Variants in DLGAP1 observed in about 807,000 individuals in gnomAD.
The protein encoded by DLGAP1 is DLG associated protein 1, also known as disks large-associated protein 1.
DLGAP1 carries 11 observed loss-of-function variants against 90.8 expected under a neutral mutation model. That is an observed-to-expected ratio of 0.12 (90% CI 0.08 to 0.20). DLGAP1 has a LOEUF of 0.20. Ranked by LOEUF, DLGAP1 falls within the 10% of genes least tolerant of loss-of-function variation. The probability of loss-of-function intolerance (pLI) is 1.00; values close to 1 mark genes in which losing one functional copy is unlikely to be tolerated. For missense variants in DLGAP1, 1,050 were observed against 1,333.8 expected (o/e 0.79, Z 3.31); for synonymous variants, 558 against 540.7 (o/e 1.03, Z -0.44).
intron 3 of DLGAP1, among the ~76,000 whole-genome samples, chr18:3,939,775 C>T (rs2072730257): frequency 6.6e-6 from 1 of 152,130 alleles, no homozygotes; most frequent in Non-Finnish European, 1.5e-5. Flanking sequence ...TAATGTGCCA[C>T]ATCAAGGAAT....
chr18:3,689,327 C>A (rs1209734528), intron 7 of DLGAP1, among the ~76,000 whole-genome samples: 2 of 152,148 alleles, frequency 1.3e-5, no homozygotes, highest in Non-Finnish European at 2.9e-5. Flanking sequence ...AAAAACCTGG[C>A]TGCCAAATAA....
chr18:3,796,479 A>T (rs1598781797), intron 5 of DLGAP1, among the ~76,000 whole-genome samples: 1 of 152,250 alleles, frequency 6.6e-6, no homozygotes. Flanking sequence ...TTTCATGAGT[A>T]CTGTATATGA....
At chr18:3,657,565 T>C (rs1019994064) in intron 7 of DLGAP1, among the ~76,000 whole-genome samples, 2 of 151,970 alleles carry the variant, frequency 1.3e-5, no homozygotes, top group Non-Finnish European at 1.5e-5. Context: ...GTATTCTTTA[T>C]GGCAAATTCC....
chr18:3,835,345 T>G (rs939031246), intron 4 of DLGAP1, among the ~76,000 whole-genome samples: 3 of 152,184 alleles, frequency 2.0e-5, no homozygotes, highest in Non-Finnish European at 4.4e-5. Context: ...GAATGAGTGC[T>G]TCATAGAAAA....
chr18:3,638,505 C>T (rs2058806974), intron 7 of DLGAP1, among the ~76,000 whole-genome samples: 1 of 152,200 alleles, frequency 6.6e-6, no homozygotes, highest in South Asian at 2.1e-4. Flanking sequence ...CCCACCTCAG[C>T]CTCCCAAACT....
intron 7 of DLGAP1, among the ~76,000 whole-genome samples, chr18:3,635,242 T>G (rs917208665): frequency 2.0e-5 from 3 of 151,922 alleles, no homozygotes; most frequent in Non-Finnish European, 4.4e-5. Flanking sequence ...GCCATTCTCC[T>G]GCCTCAGCCT....
chr18:3,823,704 C>G (rs1472443024), intron 4 of DLGAP1, among the ~76,000 whole-genome samples: 3 of 152,186 alleles, frequency 2.0e-5, no homozygotes, highest in Admixed American at 1.3e-4. Flanking sequence ...TGGCCCAGCA[C>G]TTTGGGAGGC....
chr18:3,498,599 C>T lies in DLGAP1; in HGVS notation c.*586G>A, dbSNP rs2049771943. The T allele has an allele frequency of 6.6e-6, 1 of 152,250 alleles. No individual in the cohort carries two copies. The highest frequency in any genetic ancestry group is 2.4e-5 in the African/African-American group (1 of 41,436). 9.4% of individuals were successfully genotyped at this position (152,250 alleles called of 1,614,324 possible). On this transcript the variant is annotated 3_prime_UTR_variant, in exon 13 of 13. Coordinates refer to ENST00000315677, the MANE Select transcript of DLGAP1 (RefSeq NM_004746.4). ...TTGCTACACATCCAGGTCCCCCACCCCCAGGCCAGGCTTGGTCCCCTCTCT... is the reference window on the plus strand; with the variant it reads ...TTGCTACACATCCAGGTCCCCCACCTCCAGGCCAGGCTTGGTCCCCTCTCT...
At chr18:3,620,331 C>A (rs1251562956) in intron 7 of DLGAP1, among the ~76,000 whole-genome samples, 1 of 151,998 alleles carries the variant, frequency 6.6e-6, no homozygotes, top group Non-Finnish European at 1.5e-5. Flanking sequence ...CACAGGCAGC[C>A]TCTAGAAGCC....
chr18:3,694,223 AT>A (rs766230744), intron 7 of DLGAP1, among the ~76,000 whole-genome samples: 2 of 152,132 alleles, frequency 1.3e-5, no homozygotes, highest in Non-Finnish European at 2.9e-5. Context: ...GAACGCATCC[AT>A]TTTTATGGCT....
At chr18:3,637,341 CTT>C (rs1341283948) in intron 7 of DLGAP1, among the ~76,000 whole-genome samples, 3 of 152,074 alleles carry the variant, frequency 2.0e-5, no homozygotes, top group Admixed American at 6.6e-5. Flanking sequence ...AGGCTCTCCT[CTT>C]GTTTGCCTTC....
At chr18:4,365,145 T>C (rs2081733509) in intron 1 of DLGAP1, among the ~76,000 whole-genome samples, 1 of 152,174 alleles carries the variant, frequency 6.6e-6, no homozygotes, top group African/African-American at 2.4e-5. Context: ...AGCCTTTATT[T>C]CAACCTGAAT....
In DLGAP1 at chr18:3,636,171, G is replaced by C. The variant is rs909472800; in HGVS notation, c.1592-53923C>G. On this transcript the variant is annotated intron_variant, in intron 7 of 12. Coordinates refer to ENST00000315677, the MANE Select transcript of DLGAP1 (RefSeq NM_004746.4). ...GTTTCCACTCTCCCTTTCTTTACCT[G>C]GCCAACTCCTATCATCCTTCAGGTG... 4.0e-5 allele frequency among the ~76,000 whole-genome samples: 6 copies of C among 150,832 alleles called. No individual in the cohort carries two copies. The East Asian group carries it at 1.2e-3, about 31-fold the overall frequency.
chr18:3,590,517 C>G (rs760238388), intron 7 of DLGAP1, among the ~76,000 whole-genome samples: 6 of 152,052 alleles, frequency 3.9e-5, no homozygotes, highest in Non-Finnish European at 8.8e-5. Context: ...GAGTGGTGCC[C>G]GTTTGCAAAC....
intron 4 of DLGAP1, among the ~76,000 whole-genome samples, chr18:3,856,796 T>G (rs1023586289): frequency 1.3e-5 from 2 of 151,598 alleles, no homozygotes; most frequent in Non-Finnish European, 2.9e-5. Flanking sequence ...GGGAGGCAGA[T>G]CTTGCAGTGA....
At chr18:3,547,286 A>C (rs1377766474) in intron 9 of DLGAP1, among the ~76,000 whole-genome samples, 2 of 136,966 alleles carry the variant, frequency 1.5e-5, no homozygotes, top group Non-Finnish European at 3.0e-5. Flanking sequence ...TGGGCAATAG[A>C]GCGAGACTCC....
chr18:3,655,811 G>A (rs939200348), intron 7 of DLGAP1: 80 of 397,414 alleles, frequency 2.0e-4, no homozygotes, highest in African/African-American at 1.4e-3. Context: ...GCCCAGGCTC[G>A]CTGACGAGCA....
chr18:3,773,206 T>C (rs1355537530), intron 5 of DLGAP1, among the ~76,000 whole-genome samples: 1 of 152,184 alleles, frequency 6.6e-6, no homozygotes, highest in Non-Finnish European at 1.5e-5. Context: ...CTCTGTTGCC[T>C]GTATTTGACT....
intron 1 of DLGAP1, among the ~76,000 whole-genome samples, chr18:4,241,001 G>A (rs995464958): frequency 2.6e-5 from 4 of 152,108 alleles, no homozygotes; most frequent in Non-Finnish European, 5.9e-5. Context: ...CAGTTTAATC[G>A]ACGTACTGAG....
Sources: allele counts gnomAD v4.1 joint callset (sites outside exome capture counted in the v4.1 genomes callset), GRCh38; gene constraint gnomAD v4.1.1; transcripts MANE v1.5; gene names NCBI Gene and HGNC (gene_info 2026-07-23, HGNC 2026-07-21).